Variants in CMSS1 observed in about 807,000 individuals in gnomAD.
CMSS1 encodes cms1 ribosomal small subunit homolog.
CMSS1 carries 33 observed loss-of-function variants against 43.5 expected under a neutral mutation model. That is an observed-to-expected ratio of 0.76 (90% confidence interval 0.57 to 1.01). CMSS1 has a LOEUF of 1.01. CMSS1 is among the 50% of genes least tolerant of loss of function. CMSS1 has a pLI of 0.00. For synonymous variants in CMSS1, 115 were observed against 117.2 expected (o/e 0.98, Z 0.12); for missense variants, 313 against 326.4 (o/e 0.96, Z 0.32).
intron 1 of CMSS1, among the ~76,000 whole-genome samples, chr3:99,875,863 A>G (rs1315485924): frequency 6.6e-5 from 10 of 152,178 alleles, no homozygotes; most frequent in Non-Finnish European, 7.4e-5. Context: ...TAAATCTCTA[A>G]TCTGTTTTCT....
Position 100,172,375 on chromosome 3 carries a change from G to A in CMSS1, c.639G>A (p.Pro213=), listed in dbSNP as rs754688384. The A allele has an allele frequency of 3.0e-5, 49 of 1,613,594 alleles. No homozygotes were observed. Among genetic ancestry groups the A allele is most frequent in the Middle Eastern group, 1.6e-4 (1 of 6,084 alleles). ...KRVVHLGVGT[P]GRIKELVKQG... is the part of the protein sequence containing the mutation. ...TGGTGCACCTGGGTGTAGGAACTCC[G>A]GGGAGAATTAAAGAACTTGTTAAAC... Residue 213 remains proline, a synonymous_variant, in exon 8 of 10, where the codon CCG becomes CCA. Coordinates refer to ENST00000421999, the MANE Select transcript of CMSS1 (RefSeq NM_032359.4).
chr3:99,879,189 A>G (rs1252230400), intron 1 of CMSS1, among the ~76,000 whole-genome samples: 4 of 152,252 alleles, frequency 2.6e-5, no homozygotes, highest in Non-Finnish European at 1.5e-5. Flanking sequence ...GAAATGATAC[A>G]AAGAAATTTT....
In CMSS1 at chr3:100,178,279, T is replaced by C. The variant is rs372855128; in HGVS notation, c.757-26T>C. The C allele has an allele frequency of 6.4e-5, 97 of 1,504,942 alleles. No homozygotes were observed. The African/African-American group carries it at 1.2e-3, about 18-fold the overall frequency. The allele number at this position is 1,504,942 out of a possible 1,614,324, so 93.2% of individuals were successfully genotyped here. ...ACCATTTTGGCTTGATCTTAATCTT[T>C]TTTTCCCCCCTTTTCTCTCATTTAG... On this transcript the variant is annotated intron_variant, in intron 9 of 9. Coordinates refer to ENST00000421999, the MANE Select transcript of CMSS1 (RefSeq NM_032359.4).
chr3:99,878,745 G>A (rs183516456), intron 1 of CMSS1, among the ~76,000 whole-genome samples: 2 of 152,182 alleles, frequency 1.3e-5, no homozygotes, highest in Admixed American at 6.5e-5. Flanking sequence ...GAAAGTCAAG[G>A]GTTTTGAGGG....
intron 1 of CMSS1, among the ~76,000 whole-genome samples, chr3:100,056,416 G>A (rs2065464416): frequency 6.6e-6 from 1 of 152,144 alleles, no homozygotes; most frequent in South Asian, 2.1e-4. Flanking sequence ...AAACAAAAGT[G>A]ATTTCATATT....
At chr3:99,941,831 G>A (rs1707858420) in intron 1 of CMSS1, among the ~76,000 whole-genome samples, 1 of 152,122 alleles carries the variant, frequency 6.6e-6, no homozygotes, top group Non-Finnish European at 1.5e-5. Flanking sequence ...TTTGTGAGGT[G>A]TTTTTCAGAA....
intron 1 of CMSS1, among the ~76,000 whole-genome samples, chr3:99,823,991 C>G (rs1461312079): frequency 6.6e-6 from 1 of 150,966 alleles, no homozygotes; most frequent in African/African-American, 2.4e-5. Flanking sequence ...GGTGCGATCT[C>G]AGCTCACTGC....
At chr3:100,038,619 A>G (rs2065150288) in intron 1 of CMSS1, among the ~76,000 whole-genome samples, 3 of 152,210 alleles carry the variant, frequency 2.0e-5, no homozygotes, top group Non-Finnish European at 4.4e-5. Flanking sequence ...TTTATCCAAT[A>G]CTATGCTTCC....
intron 1 of CMSS1, among the ~76,000 whole-genome samples, chr3:100,031,314 A>G (rs2065018109): frequency 6.6e-6 from 1 of 152,130 alleles, no homozygotes; most frequent in Non-Finnish European, 1.5e-5. Flanking sequence ...TTAAAACAGT[A>G]GGTTTTAAAC....
chr3:100,048,393 G>C (rs924245514), intron 1 of CMSS1, among the ~76,000 whole-genome samples: 2 of 152,152 alleles, frequency 1.3e-5, no homozygotes, highest in Non-Finnish European at 2.9e-5. Context: ...TGAAGCATTT[G>C]CTTGGGGTGA....
chr3:99,998,134 G>A (rs1380687128), intron 1 of CMSS1, among the ~76,000 whole-genome samples: 1 of 152,218 alleles, frequency 6.6e-6, no homozygotes, highest in African/African-American at 2.4e-5. Context: ...TACTGAAAGA[G>A]TTTCTAATCT....
At chr3:99,938,256 G>C (rs551946507) in intron 1 of CMSS1, among the ~76,000 whole-genome samples, 30 of 152,326 alleles carry the variant, frequency 2.0e-4, no homozygotes, top group Admixed American at 4.6e-4. Context: ...TGCATGAAAT[G>C]AACTGAGTAT....
rs569271215 is a variant in CMSS1, at chr3:99,946,246, C to A, written c.64+128203C>A. Among the ~76,000 whole-genome samples the A allele has an allele frequency of 2.6e-5, 4 of 152,288 alleles. 1 individual carries two copies. The highest frequency in any genetic ancestry group is 9.6e-5 in the African/African-American group (4 of 41,544). On this transcript the variant is annotated intron_variant, in intron 1 of 9. Transcript: ENST00000421999. ...CCCTGGATACTATTGTGATTGATAG[C>A]TTATAAGCTGCTTTAAAGTTTTCTG...
chr3:100,109,322 A>G (rs956868601), intron 1 of CMSS1, among the ~76,000 whole-genome samples: 1 of 152,190 alleles, frequency 6.6e-6, no homozygotes, highest in African/African-American at 2.4e-5. Context: ...ATAGAGCCAC[A>G]CAATAAGGTA....
chr3:99,850,199 G>C (rs1315715370), intron 1 of CMSS1: 2 of 1,612,484 alleles, frequency 1.2e-6, no homozygotes, highest in Non-Finnish European at 1.7e-6. Flanking sequence ...AATGTTTTCA[G>C]TTTAGTTAAA....
At chr3:99,993,323 A>G (rs144532267) in intron 1 of CMSS1, among the ~76,000 whole-genome samples, 1 of 152,050 alleles carries the variant, frequency 6.6e-6, no homozygotes, top group East Asian at 1.9e-4. Flanking sequence ...AACTTCTTTC[A>G]GTTTTGGAGC....
chr3:100,142,083 T>C (rs1167095041), intron 1 of CMSS1, among the ~76,000 whole-genome samples: 1 of 152,248 alleles, frequency 6.6e-6, no homozygotes, highest in Admixed American at 6.5e-5. Flanking sequence ...TACAGTGATA[T>C]AAGATGATCT....
At chr3:100,145,340 C>T (rs185574275) in intron 1 of CMSS1, among the ~76,000 whole-genome samples, 8 of 151,804 alleles carry the variant, frequency 5.3e-5, no homozygotes, top group Non-Finnish European at 7.4e-5. Flanking sequence ...CCCAGCTACT[C>T]GGGAGGCTGA....
chr3:99,995,106 G>C (rs918097664), intron 1 of CMSS1, among the ~76,000 whole-genome samples: 1 of 152,138 alleles, frequency 6.6e-6, no homozygotes, highest in African/African-American at 2.4e-5. Context: ...AGTCTCATCT[G>C]AGACAAGGCA....
Sources: gnomAD v4.1 joint callset for allele counts (sites outside exome capture counted in the v4.1 genomes callset) on GRCh38, gnomAD v4.1.1 for gene constraint, MANE v1.5 for transcripts, NCBI Gene and HGNC (gene_info 2026-07-23, HGNC 2026-07-21) for gene names.